The following DNAH3 variants were observed in gnomAD, a reference collection of about 807,000 sequenced individuals.
DNAH3 encodes dynein axonemal heavy chain 3, also known as axonemal beta dynein heavy chain 3.
A neutral mutation model predicts 432.5 loss-of-function variants in DNAH3; 332 were observed. The ratio of observed to expected loss-of-function variants is 0.77; its 90% CI spans 0.70 to 0.84. DNAH3 has a LOEUF of 0.84. Ranked by LOEUF, DNAH3 falls within the 40% of genes least tolerant of loss-of-function variation. The probability of loss-of-function intolerance (pLI) is 0.00; values close to 1 mark genes in which losing one functional copy is unlikely to be tolerated. For synonymous variants in DNAH3, 1,956 were observed against 1,900.2 expected (o/e 1.03, Z -0.76); for missense variants, 4,861 against 5,114.0 (o/e 0.95, Z 1.51).
chr16:21,077,493 C>T (rs939463431), intron 20 of DNAH3, among the ~76,000 whole-genome samples: 6 of 152,058 alleles, frequency 3.9e-5, no homozygotes, highest in Non-Finnish European at 8.8e-5. Flanking sequence ...AGATTTTGAA[C>T]CTCTGTTAAT....
intron 40 of DNAH3, among the ~76,000 whole-genome samples, chr16:21,020,397 A>ATTTTTTTTTTTT (rs56049638): frequency 2.9e-5 from 1 of 34,594 alleles, no homozygotes; most frequent in African/African-American, 1.2e-4. Context: ...ATATATATAT[A>ATTTTTTTTTTTT]TTTTTTTTTT....
intron 1 of DNAH3, among the ~76,000 whole-genome samples, chr16:21,149,129 T>C (rs889270096): frequency 4.6e-5 from 7 of 151,162 alleles, no homozygotes; most frequent in Non-Finnish European, 1.0e-4. Flanking sequence ...CTCAGGAGAC[T>C]GAGGCAGGAG....
chr16:21,026,302 T>C (rs1315828000), intron 38 of DNAH3, among the ~76,000 whole-genome samples: 1 of 152,180 alleles, frequency 6.6e-6, no homozygotes, highest in East Asian at 1.9e-4. Flanking sequence ...TCTAAATGAA[T>C]GACAAATAAT....
upstream of DNAH3, chr16:21,159,447 A>G: frequency 1.2e-6 from 2 of 1,613,118 alleles, no homozygotes; most frequent in East Asian, 2.2e-5. Context: ...CCCATCCCCC[A>G]ACCAGAGATG....
At chr16:21,074,220 A>G (rs2090895939) in intron 21 of DNAH3, among the ~76,000 whole-genome samples, 1 of 152,188 alleles carries the variant, frequency 6.6e-6, no homozygotes, top group African/African-American at 2.4e-5. Context: ...TCACAAGTAG[A>G]TAACATGCAG....
At chr16:21,089,830 C>A (rs569057780) in intron 18 of DNAH3, among the ~76,000 whole-genome samples, 1 of 151,748 alleles carries the variant, frequency 6.6e-6, no homozygotes, top group Non-Finnish European at 1.5e-5. Context: ...GAACAGAAAT[C>A]CATTGAAAAC....
intron 54 of DNAH3, among the ~76,000 whole-genome samples, chr16:20,958,072 ATTTT>A (rs35285615): frequency 1.4e-5 from 2 of 138,058 alleles, no homozygotes; most frequent in African/African-American, 2.6e-5. Context: ...AAACAGTAGA[ATTTT>A]TTTTTTTTTT....
intron 52 of DNAH3, among the ~76,000 whole-genome samples, 198 bp from the exon 53 acceptor site, chr16:20,965,623 G>C (rs1014906299): frequency 6.6e-6 from 1 of 152,124 alleles, no homozygotes; most frequent in African/African-American, 2.4e-5. Context: ...ATTCCTCCAT[G>C]ACCCCAAGTG....
intron 53 of DNAH3, among the ~76,000 whole-genome samples, chr16:20,963,041 G>C (rs1226915640): frequency 1.3e-5 from 2 of 152,192 alleles, no homozygotes; most frequent in Non-Finnish European, 2.9e-5. Flanking sequence ...TGGTTCTCTT[G>C]AAAAATCAGA....
At chr16:21,104,289 T>G in intron 16 of DNAH3, 182 bp downstream of exon 16, 1 of 611,278 alleles carries the variant, frequency 1.6e-6, no homozygotes, top group Admixed American at 2.7e-5. Flanking sequence ...TGAAGCAGTC[T>G]TAAAGAAAAC....
intron 38 of DNAH3, among the ~76,000 whole-genome samples, chr16:21,025,721 TTTGTTGTTG>T (rs553060469): frequency 6.6e-6 from 1 of 151,640 alleles, no homozygotes; most frequent in Non-Finnish European, 1.5e-5. Flanking sequence ...AATTCACTCT[TTTGTTGTTG>T]TTGTTGTTGT....
intron 1 of DNAH3, among the ~76,000 whole-genome samples, chr16:21,153,845 T>A (rs2092880389): frequency 6.6e-6 from 1 of 152,218 alleles, no homozygotes; most frequent in South Asian, 2.1e-4. Flanking sequence ...AACCAAGTAC[T>A]TCCATTTTCC....
chr16:21,125,427 C>A lies in DNAH3; in HGVS notation c.1209-57G>T, dbSNP rs577722522. The A allele has an allele frequency of 6.2e-6, 9 of 1,440,564 alleles. 1 individual carries two copies. The South Asian group carries it at 1.0e-4, about 16-fold the overall frequency. 89.2% of individuals were successfully genotyped at this position (1,440,564 alleles called of 1,614,324 possible). The stretch of plus-strand genomic sequence containing the variant: ...GCTCTTCTGGGCTCCGAGGAACCCA[C>A]TTGCCGTGCCCCCTGAGCTCAGTGA... On this transcript the variant is annotated intron_variant, in intron 8 of 61. Coordinates refer to ENST00000261383, the Ensembl canonical transcript of DNAH3.
At chr16:21,104,385 G>A (rs2091902390) in intron 16 of DNAH3, 86 bp downstream of exon 16, 1 of 1,174,200 alleles carries the variant, frequency 8.5e-7, no homozygotes, top group Middle Eastern at 2.4e-4. Flanking sequence ...GTGAGCTGGG[G>A]GATGGCTTAG....
exon 37 of DNAH3, chr16:21,031,073 A>G (rs764569781): frequency 6.2e-7 from 1 of 1,614,212 alleles, no homozygotes. Context: ...AACAGTGTTC[A>G]TATTTTCAAT....
exon 16 of DNAH3, chr16:21,104,511 G>C (rs1182219771): frequency 6.2e-7 from 1 of 1,613,914 alleles, no homozygotes; most frequent in Non-Finnish European, 8.5e-7. Flanking sequence ...CTCTTGTGAA[G>C]GAGCAAGTTC....
Position 20,987,838 on chromosome 16 carries a change from ATCTT to A in DNAH3, c.6733_6736del (p.Lys2245CysfsTer36), listed in dbSNP as rs1359334233. 6.2e-7 allele frequency: 1 copy of A among 1,614,036 alleles called. No homozygotes were observed. On this transcript the variant is annotated frameshift_variant, in exon 46 of 62. Coordinates refer to ENST00000261383, the Ensembl canonical transcript of DNAH3. LOFTEE classifies it high-confidence loss of function. ...AATTGTCTTAGTAGCTTGGACCAGC[ATCTT>A]TCCGTACCTTGGGAGGAAAGGGATG...
chr16:20,954,222 CA>C (rs11300288), intron 55 of DNAH3, among the ~76,000 whole-genome samples: 80,252 of 116,340 alleles, frequency 0.69, 28,081 homozygotes, highest in African/African-American at 0.89. Context: ...GACCCTATCT[CA>C]AAAAAAAAAA....
intron 24 of DNAH3, among the ~76,000 whole-genome samples, chr16:21,063,380 G>C (rs2090432215): frequency 6.6e-6 from 1 of 151,978 alleles, no homozygotes; most frequent in South Asian, 2.1e-4. Flanking sequence ...CTCCATCCGT[G>C]CAAGAACATT....
Sources: gnomAD v4.1 joint callset for allele counts (sites outside exome capture counted in the v4.1 genomes callset) on GRCh38, gnomAD v4.1.1 for gene constraint, MANE v1.5 for transcripts, NCBI Gene and HGNC (gene_info 2026-07-23, HGNC 2026-07-21) for gene names.